Variants in KIAA1217 observed in about 807,000 individuals in gnomAD.
KIAA1217 encodes KIAA1217.
A neutral mutation model predicts 163.9 loss-of-function variants in KIAA1217; 88 were observed. The ratio of observed to expected loss-of-function variants is 0.54; its 90% CI spans 0.45 to 0.64. The LOEUF (loss-of-function observed/expected upper bound fraction) is 0.64. Among genes scored for constraint, KIAA1217 ranks in the 30% least tolerant of loss-of-function variants. KIAA1217 has a pLI of 0.00. For missense variants in KIAA1217, 2,372 were observed against 2,475.0 expected (o/e 0.96, Z 0.88); for synonymous variants, 903 against 923.1 (o/e 0.98, Z 0.39).
chr10:24,067,047 AT>A (rs1233918128), intron 2 of KIAA1217, among the ~76,000 whole-genome samples: 1 of 151,798 alleles, frequency 6.6e-6, no homozygotes, highest in African/African-American at 2.4e-5. Flanking sequence ...CATTGATCTA[AT>A]TTTTTTTCAA....
At chr10:23,700,348 A>G (rs1289498017) in intron 1 of KIAA1217, among the ~76,000 whole-genome samples, 1 of 152,098 alleles carries the variant, frequency 6.6e-6, no homozygotes, top group East Asian at 1.9e-4. Flanking sequence ...TCCCTGAATT[A>G]TTGCAGTGAC....
intron 1 of KIAA1217, among the ~76,000 whole-genome samples, chr10:23,885,841 T>A (rs559870398): frequency 6.6e-6 from 1 of 152,056 alleles, no homozygotes; most frequent in East Asian, 2.0e-4. Flanking sequence ...CATTTTTGTT[T>A]GAAGCTGTGT....
intron 2 of KIAA1217, among the ~76,000 whole-genome samples, chr10:24,235,831 T>C (rs551980233): frequency 6.6e-5 from 10 of 152,338 alleles, no homozygotes; most frequent in African/African-American, 2.2e-4. Context: ...CCCTTTGCAA[T>C]CCAGTATGCA....
At chr10:24,518,507 A>G (rs576352512) in intron 10 of KIAA1217, among the ~76,000 whole-genome samples, 5 of 152,342 alleles carry the variant, frequency 3.3e-5, no homozygotes, top group African/African-American at 1.2e-4. Context: ...TTTGAGTCAG[A>G]TGACAGCTCC....
rs1041849742 is a variant in KIAA1217, at chr10:24,103,165, A to G, written c.-171+95791A>G. Among the ~76,000 whole-genome samples the G allele has an allele frequency of 7.2e-5, 11 of 152,274 alleles. No homozygotes were observed. In the South Asian group the frequency reaches 2.3e-3, roughly 32 times the overall value. ...GTGAGAACAGACTCATACAATGGGG[A>G]AGATAGTCTTTTTAAAATAGGGTAC... is the stretch of plus-strand genomic sequence containing the variant. On this transcript the variant is annotated intron_variant, in intron 2 of 18. Transcript: ENST00000376462.
At chr10:24,318,355 A>G (rs988929418) in intron 2 of KIAA1217, among the ~76,000 whole-genome samples, 8 of 152,178 alleles carry the variant, frequency 5.3e-5, no homozygotes, top group Admixed American at 1.3e-4. Flanking sequence ...TCATTCAATA[A>G]GTTGAAGGCC....
intron 5 of KIAA1217, among the ~76,000 whole-genome samples, chr10:24,461,044 A>G (rs1016219656): frequency 2.0e-5 from 3 of 152,170 alleles, no homozygotes; most frequent in Non-Finnish European, 4.4e-5. Context: ...ATAAATGGCC[A>G]TATGGTTTCC....
At chr10:24,489,724 C>T (rs749992752) in intron 6 of KIAA1217, among the ~76,000 whole-genome samples, 4 of 151,540 alleles carry the variant, frequency 2.6e-5, no homozygotes, top group African/African-American at 9.7e-5. Flanking sequence ...ATTAGCCAGG[C>T]GTGGTGGTGC....
intron 2 of KIAA1217, among the ~76,000 whole-genome samples, chr10:24,369,556 G>A (rs753756465): frequency 2.0e-5 from 3 of 152,152 alleles, no homozygotes; most frequent in African/African-American, 7.2e-5. Context: ...GTACGATTCC[G>A]TGGCTTGGGA....
At chr10:24,038,747 CTTTTT>C (rs3072773) in intron 2 of KIAA1217, among the ~76,000 whole-genome samples, 3 of 76,304 alleles carry the variant, frequency 3.9e-5, no homozygotes, top group African/African-American at 5.3e-5. Context: ...CTGAGAATTG[CTTTTT>C]TTTTTTTTTT....
chr10:24,110,384 CTGTG>C (rs1211441967), intron 2 of KIAA1217, among the ~76,000 whole-genome samples: 2 of 152,058 alleles, frequency 1.3e-5, no homozygotes, highest in Non-Finnish European at 2.9e-5. Flanking sequence ...TCAAAGGAGG[CTGTG>C]TGTACTATTA....
Position 24,524,414 on chromosome 10 carries a change from A to G in KIAA1217, c.2548A>G (p.Lys850Glu). Residue 850 changes from lysine to glutamate, a missense_variant, in exon 13 of 21, where the codon AAG becomes GAG. Transcript: ENST00000376454. Reference protein sequence around the residue: ...MEKATAAEVLKSQEEAAHTSG... With the variant: ...MEKATAAEVLESQEEAAHTSG... ...AAAGGCCACAGCCGCAGAAGTCCTG[A>G]AGAGTCAGGAGGAGGCAGCCCACAC... 6.2e-7 allele frequency: 1 copy of G among 1,614,182 alleles called. No individual in the cohort carries two copies. The highest frequency in any genetic ancestry group is 8.5e-7 in the Non-Finnish European group (1 of 1,180,024).
intron 1 of KIAA1217, among the ~76,000 whole-genome samples, chr10:23,999,534 G>C (rs752690949): frequency 2.6e-5 from 4 of 152,146 alleles, no homozygotes; most frequent in Admixed American, 1.3e-4. Context: ...CACCTACCTG[G>C]ACACTGGTGG....
chr10:23,922,153 A>C (rs1842874593), intron 1 of KIAA1217, among the ~76,000 whole-genome samples: 1 of 152,082 alleles, frequency 6.6e-6, no homozygotes. Flanking sequence ...TTAATCAATC[A>C]TGCCTGCATA....
intron 1 of KIAA1217, among the ~76,000 whole-genome samples, chr10:23,897,720 T>A (rs568574161): frequency 1.1e-4 from 16 of 152,046 alleles, no homozygotes; most frequent in Admixed American, 9.8e-4. Flanking sequence ...ATGATATCAG[T>A]GGAACCATTT....
At chr10:23,814,812 A>G (rs1365647054) in intron 1 of KIAA1217, among the ~76,000 whole-genome samples, 1 of 137,038 alleles carries the variant, frequency 7.3e-6, no homozygotes, top group Non-Finnish European at 1.5e-5. Flanking sequence ...ATCATTTAGT[A>G]GATAACCAAA....
chr10:24,213,498 C>A (rs1026054798), intron 1 of KIAA1217, among the ~76,000 whole-genome samples: 10 of 152,172 alleles, frequency 6.6e-5, no homozygotes, highest in East Asian at 1.9e-4. Flanking sequence ...AGTCTCTGTA[C>A]CCTTATCCCG....
intron 1 of KIAA1217, among the ~76,000 whole-genome samples, chr10:23,895,169 T>C (rs11013774): frequency 0.36 from 55,301 of 151,592 alleles, 11,786 homozygotes; most frequent in African/African-American, 0.6. Context: ...AGAGCTTCTG[T>C]ACAGCAAAAG....
chr10:24,139,160 C>A (rs1013275623), intron 2 of KIAA1217, among the ~76,000 whole-genome samples: 1 of 152,016 alleles, frequency 6.6e-6, no homozygotes, highest in African/African-American at 2.4e-5. Context: ...GCTGTTATCA[C>A]TTTTAAGCTT....
Sources: gnomAD v4.1 joint callset for allele counts (sites outside exome capture counted in the v4.1 genomes callset) on GRCh38, gnomAD v4.1.1 for gene constraint, MANE v1.5 for transcripts, NCBI Gene and HGNC (gene_info 2026-07-23, HGNC 2026-07-21) for gene names.